MFN1: variants seen among roughly 807,000 people sequenced by gnomAD.
The protein encoded by MFN1 is mitofusin-1.
MFN1 carries 65 observed loss-of-function variants against 92.4 expected under a neutral mutation model. The observed-to-expected ratio is 0.70, with a 90% CI of 0.58 to 0.86. MFN1 has a LOEUF of 0.86. Among genes scored for constraint, MFN1 ranks in the 40% least tolerant of loss-of-function variants. The pLI is 0.00. For missense variants in MFN1, 781 were observed against 868.0 expected (o/e 0.90, Z 1.26); for synonymous variants, 297 against 300.9 (o/e 0.99, Z 0.13).
At position 179,350,759 on chromosome 3, in the gene MFN1, GAT is replaced by G. The variant is rs751562279; in HGVS notation, c.113-1138_113-1137del. ...TTAATGCGTTAGAAAAGTATGGTGAGATATGAGAAGCTTAATTGGATGTGCAC... is the reference window on the plus strand; with the variant it reads ...TTAATGCGTTAGAAAAGTATGGTGAGATGAGAAGCTTAATTGGATGTGCAC... On this transcript the variant is annotated intron_variant, in intron 2 of 17. Transcript: ENST00000471841. 3.3e-5 allele frequency among the ~76,000 whole-genome samples: 5 copies of G among 152,372 alleles called. 2 individuals are homozygous for G. Among genetic ancestry groups the G allele is most frequent in the Admixed American group, 6.5e-5 (1 of 15,310 alleles).
chr3:179,349,446 G>A (rs891748736), intron 2 of MFN1, among the ~76,000 whole-genome samples: 7 of 152,030 alleles, frequency 4.6e-5, no homozygotes, highest in African/African-American at 1.4e-4. Context: ...CAGTGGAAAG[G>A]GGGAAAAAGG....
intron 12 of MFN1, among the ~76,000 whole-genome samples, chr3:179,377,775 A>G (rs1016658980): frequency 1.3e-5 from 2 of 152,044 alleles, no homozygotes; most frequent in African/African-American, 4.8e-5. Flanking sequence ...ATCTACAAAA[A>G]ACAGTTAGGC....
At chr3:179,354,440 A>C (rs13060649) in intron 3 of MFN1, among the ~76,000 whole-genome samples, 28,346 of 152,096 alleles carry the variant, frequency 0.19, 3,231 homozygotes, top group Admixed American at 0.24. Flanking sequence ...AGAGGATTGG[A>C]TGTTACAATT....
chr3:179,380,880 G>A (rs770629406), intron 14 of MFN1, among the ~76,000 whole-genome samples: 3 of 152,188 alleles, frequency 2.0e-5, no homozygotes, highest in African/African-American at 7.2e-5. Context: ...GCCTCTGCCT[G>A]TCACTACATT....
chr3:179,368,089 G>T lies in MFN1; in HGVS notation c.961G>T (p.Glu321Ter). The stretch of plus-strand genomic sequence containing the variant: ...AAGATTACAGGAATTTCAGAATTTT[G>T]AACAAATCTTTGAGGTAGGAATTTT... ...HARLQEFQNF[E>*]QIFEECISQS... Residue 321 changes from glutamate to a stop codon, truncating the protein, a stop_gained, in exon 9 of 18, where the codon GAA becomes TAA. Transcript: ENST00000471841. LOFTEE classifies it high-confidence loss of function. 1 of 1,566,908 alleles carries T rather than the reference G, an allele frequency of 6.4e-7. No individual in the cohort carries two copies. The highest frequency in any genetic ancestry group is 1.2e-5 in the South Asian group (1 of 84,944).
chr3:179,363,419 TAA>T (rs1474842561), intron 5 of MFN1, among the ~76,000 whole-genome samples: 1 of 149,784 alleles, frequency 6.7e-6, no homozygotes, highest in African/African-American at 2.4e-5. Flanking sequence ...TAAAAATAAC[TAA>T]AAGAATATAA....
At chr3:179,358,766 G>C in intron 3 of MFN1, 74 bp from the exon 4 acceptor site, 3 of 1,445,792 alleles carry the variant, frequency 2.1e-6, no homozygotes, top group Non-Finnish European at 2.8e-6. Flanking sequence ...TAAAAAAGTT[G>C]ATATTAGACC....
At chr3:179,359,596 C>CTT (rs1167385875) in intron 4 of MFN1, 14,164 of 87,012 alleles carry the variant, frequency 0.16, 1,156 homozygotes, top group Non-Finnish European at 0.17. Flanking sequence ...AATTTTCGTA[C>CTT]TTTTTTTTTT....
intron 14 of MFN1, among the ~76,000 whole-genome samples, chr3:179,379,338 TA>T (rs1293065858): frequency 2.0e-5 from 3 of 152,162 alleles, no homozygotes; most frequent in Admixed American, 1.3e-4. Flanking sequence ...AGATACTGTT[TA>T]AAAAAAATTT....
intron 9 of MFN1, among the ~76,000 whole-genome samples, chr3:179,371,987 A>C (rs1240824882): frequency 6.7e-6 from 1 of 149,262 alleles, no homozygotes; most frequent in East Asian, 1.9e-4. Context: ...GCCTCTCTTT[A>C]TATATATGGG....
At position 179,367,999 on chromosome 3, in the gene MFN1, C is replaced by T. The variant is rs1013286355; in HGVS notation, c.908-37C>T. 3.6e-6 allele frequency: 5 copies of T among 1,384,634 alleles called. No homozygotes were observed. In the African/African-American group the frequency reaches 6.0e-5, roughly 16 times the overall value. The allele number at this position is 1,384,634 out of a possible 1,614,324, so 85.8% of individuals were successfully genotyped here. ...GCCTACCAGAAAACATATCTTGCTA[C>T]ATACTAGGTTTTTAAATCTTTGCCT... On this transcript the variant is annotated intron_variant, in intron 8 of 17. Transcript: ENST00000471841.
chr3:179,365,102 T>C lies in MFN1; in HGVS notation c.646-16T>C. ...AATTATAGTGAATGTACTGTGGGGT[T>C]TTTTTTGTTTTTCAGGAAAAACACT... is the stretch of plus-strand genomic sequence containing the variant. On this transcript the variant is annotated splice_polypyrimidine_tract_variant and intron_variant, in intron 6 of 17. Transcript: ENST00000471841. The C allele has an allele frequency of 7.0e-7, 1 of 1,433,010 alleles. No homozygotes were observed. The highest frequency in any genetic ancestry group is 9.4e-7 in the Non-Finnish European group (1 of 1,062,518). The allele number at this position is 1,433,010 out of a possible 1,614,324, so 88.8% of individuals were successfully genotyped here.
chr3:179,393,535 C>A lies in MFN1; in HGVS notation c.*1476C>A, dbSNP rs751470382. On this transcript the variant is annotated 3_prime_UTR_variant, in exon 18 of 18. Transcript: ENST00000471841. ...TTTCAAGGTATCTTAGAAGATAACA[C>A]TAGGCCATTGAAGCCTTTCAAAAAT... The A allele has an allele frequency of 2.6e-5, 4 of 152,158 alleles. No homozygotes were observed. Among genetic ancestry groups the A allele is most frequent in the Non-Finnish European group, 5.9e-5 (4 of 68,032 alleles). The allele number at this position is 152,158 out of a possible 1,614,324, so 9.4% of individuals were successfully genotyped here.
chr3:179,377,132 A>G lies in MFN1; in HGVS notation c.1188A>G (p.Lys396=). ...ACCTTTTAACACTGGATGTTAAGAA[A>G]AAAATCAAGGAGGTTACCGAGGAGG... ...QMNLLTLDVK[K]KIKEVTEEVA... Residue 396 remains lysine, a synonymous_variant, in exon 11 of 18, where the codon AAA becomes AAG. Transcript: ENST00000471841. The G allele has an allele frequency of 6.2e-7, 1 of 1,613,864 alleles. No individual in the cohort carries two copies. Among genetic ancestry groups the G allele is most frequent in the Non-Finnish European group, 8.5e-7 (1 of 1,179,908 alleles).
chr3:179,382,074 A>T (rs867790791), intron 14 of MFN1, among the ~76,000 whole-genome samples: 2 of 151,662 alleles, frequency 1.3e-5, no homozygotes, highest in African/African-American at 2.4e-5. Context: ...CATTTTTTTA[A>T]TTTTTTTTTA....
At chr3:179,383,877 TCA>T (rs1314741899) in intron 14 of MFN1, among the ~76,000 whole-genome samples, 24 of 152,232 alleles carry the variant, frequency 1.6e-4, no homozygotes, top group Non-Finnish European at 2.6e-4. Flanking sequence ...AAAAAATTTA[TCA>T]ATTCAGTAAT....
In MFN1 at chr3:179,377,214, A is replaced by T. The variant is rs201673641; in HGVS notation, c.1224+46A>T. ...GATTAAAATAACCTGGATGGAAATT[A>T]TTTTTGATAATGCTAAAAATGTTAT... On this transcript the variant is annotated intron_variant, in intron 11 of 17. Coordinates refer to ENST00000471841, the MANE Select transcript of MFN1 (RefSeq NM_033540.3). The T allele has an allele frequency of 1.6e-5, 26 of 1,579,802 alleles. No homozygotes were observed. The African/African-American group carries it at 3.3e-4, about 20-fold the overall frequency.
chr3:179,349,547 T>C (rs1341361008), intron 2 of MFN1, among the ~76,000 whole-genome samples: 1 of 151,916 alleles, frequency 6.6e-6, no homozygotes, highest in Non-Finnish European at 1.5e-5. Flanking sequence ...CTTGTCTTGT[T>C]GCCCAGGCTG....
At chr3:179,375,657 A>C (rs530757584) in intron 10 of MFN1, among the ~76,000 whole-genome samples, 38 of 152,354 alleles carry the variant, frequency 2.5e-4, no homozygotes, top group Non-Finnish European at 5.3e-4. Flanking sequence ...ATTTTTATGA[A>C]GAAGTCCAAA....
Sources: gnomAD v4.1 joint callset for allele counts (sites outside exome capture counted in the v4.1 genomes callset) on GRCh38, gnomAD v4.1.1 for gene constraint, MANE v1.5 for transcripts, NCBI Gene and HGNC (gene_info 2026-07-23, HGNC 2026-07-21) for gene names.